Variants in PTGDR observed in about 807,000 individuals in gnomAD.
PTGDR encodes the protein PGD2 receptor.
Under a neutral mutation model 17.4 loss-of-function variants are expected in PTGDR, and 19 were observed. The observed-to-expected ratio is 1.09, with a 90% CI of 0.76 to 1.60. PTGDR has a LOEUF of 1.60. PTGDR is among the 40% of genes most tolerant of loss of function. The pLI, the probability that PTGDR is intolerant of heterozygous loss-of-function variation, is 0.00. For missense variants in PTGDR, 526 were observed against 481.9 expected, an observed-to-expected ratio of 1.09 and a Z score of -0.86; for synonymous variants, 267 against 224.2, an observed-to-expected ratio of 1.19 and a Z score of -1.71.
chr14:52,267,835 C>A lies in PTGDR; in HGVS notation c.21C>A (p.Arg7=). The A allele has an allele frequency of 6.4e-7, 1 of 1,572,888 alleles. No individual in the cohort carries two copies. The highest frequency in any genetic ancestry group is 8.6e-7 in the Non-Finnish European group (1 of 1,158,368). ...ACGCCATGAAGTCGCCGTTCTACCG[C>A]TGCCAGAACACCACCTCTGTGGAAA... MKSPFY[R]CQNTTSVEKG... is the part of the protein sequence containing the mutation. The change falls in exon 1 of 2, where the codon CGC becomes CGA. Residue 7 remains arginine (R), a synonymous_variant. Coordinates refer to ENST00000306051, the MANE Select transcript of PTGDR (RefSeq NM_000953.3).
intron 1 of PTGDR, chr14:52,269,316 G>T (rs1048353340): frequency 1.5e-6 from 1 of 678,638 alleles, no homozygotes; most frequent in Non-Finnish European, 2.6e-6. Context: ...TTAGCTGCTG[G>T]TGTCGTTTTG....
intron 1 of PTGDR, among the ~76,000 whole-genome samples, chr14:52,270,528 G>C (rs1160954249): frequency 6.6e-6 from 1 of 151,960 alleles, no homozygotes; most frequent in African/African-American, 2.4e-5. Flanking sequence ...GGGCGACAGA[G>C]CAAGACTCCA....
chr14:52,276,450 T>A lies in PTGDR; in HGVS notation c.*1486T>A, dbSNP rs200742432. On this transcript the variant is annotated 3_prime_UTR_variant, in exon 2 of 2. Coordinates refer to ENST00000306051, the MANE Select transcript of PTGDR (RefSeq NM_000953.3). ...GTATCTGAGATAATATAAAGCTGGG[T>A]AATTTTTTATGTAATTTTTTGGTAT... 3 of 152,208 alleles carry A rather than the reference T, an allele frequency of 2.0e-5. No individual in the cohort carries two copies. Among genetic ancestry groups the A allele is most frequent in the Non-Finnish European group, 2.9e-5 (2 of 68,034 alleles). The allele number at this position is 152,208 out of a possible 1,614,324, so 9.4% of individuals were successfully genotyped here.
chr14:52,279,710 C>T (rs2033467038), downstream of PTGDR, among the ~76,000 whole-genome samples: 3 of 151,924 alleles, frequency 2.0e-5, no homozygotes, highest in Non-Finnish European at 2.9e-5. Flanking sequence ...ACAAACTGCA[C>T]GAACTCAGGA....
At chr14:52,280,052 G>C (rs1432376743), downstream of PTGDR, among the ~76,000 whole-genome samples, 1 of 152,208 alleles carries the variant, frequency 6.6e-6, no homozygotes, top group Middle Eastern at 3.4e-3. Context: ...ATACAGTGTA[G>C]TGCAAATGTT....
downstream of PTGDR, among the ~76,000 whole-genome samples, chr14:52,280,881 T>C (rs998444052): frequency 1.3e-5 from 2 of 152,278 alleles, no homozygotes; most frequent in East Asian, 3.9e-4. Flanking sequence ...CAGGTGTGTA[T>C]CCTTAACTTT....
chr14:52,279,017 T>C (rs2033461213), downstream of PTGDR, among the ~76,000 whole-genome samples: 1 of 152,210 alleles, frequency 6.6e-6, no homozygotes, highest in South Asian at 2.1e-4. Context: ...GAATCTTTCT[T>C]TCCAGGCATT....
downstream of PTGDR, among the ~76,000 whole-genome samples, chr14:52,280,466 A>G (rs2033474724): frequency 6.6e-6 from 1 of 152,244 alleles, no homozygotes; most frequent in African/African-American, 2.4e-5. Context: ...GTTCCTAAAT[A>G]AGATGGCTAA....
At position 52,268,093 on chromosome 14, in the gene PTGDR, G is replaced by A. The variant is rs1341138448; in HGVS notation, c.279G>A (p.Leu93=). 6.2e-7 allele frequency: 1 copy of A among 1,613,846 alleles called. No homozygotes were observed. Among genetic ancestry groups the A allele is most frequent in the Non-Finnish European group, 8.5e-7 (1 of 1,180,046 alleles). ...CTGCCTACGCTCAGAACCGGAGTCT[G>A]CGGGTGCTTGCGCCCGCATTGGACA... is the stretch of plus-strand genomic sequence containing the variant. The part of the protein sequence containing the change: ...VLAAYAQNRS[L]RVLAPALDNS... The change falls in exon 1 of 2, where the codon CTG becomes CTA. Residue 93 remains leucine, a synonymous_variant. Coordinates refer to ENST00000306051, the MANE Select transcript of PTGDR (RefSeq NM_000953.3).
rs1466792176 is a variant in PTGDR, at chr14:52,276,708, A to C, written c.*1744A>C. The C allele has an allele frequency of 2.6e-5, 4 of 152,260 alleles. No individual in the cohort carries two copies. In the East Asian group the frequency reaches 7.7e-4, roughly 29 times the overall value. The allele number at this position is 152,260 out of a possible 1,614,324, so 9.4% of individuals were successfully genotyped here. A position where few individuals can be genotyped will look rare whatever the true frequency, so the allele number is the denominator to read the frequency against. On this transcript the variant is annotated 3_prime_UTR_variant, in exon 2 of 2. Transcript: ENST00000306051. ...TGAAAAGGCCCCAGATGAATCAATA[A>C]ATATAATTTTATAGTATTTTGCAGA...
Position 52,267,931 on chromosome 14 carries a change from G to A in PTGDR, c.117G>A (p.Gly39=), listed in dbSNP as rs756375416. ...TGLLGNLLAL[G]LLARSGLGWC... ...TCCTGGGCAACCTGCTGGCCCTGGG[G>A]CTGCTGGCGCGCTCGGGGCTGGGGT... Residue 39 remains glycine (G), a synonymous_variant, in exon 1 of 2, where the codon GGG becomes GGA. Coordinates refer to ENST00000306051, the MANE Select transcript of PTGDR (RefSeq NM_000953.3). 26 of 1,610,286 alleles carry A rather than the reference G, an allele frequency of 1.6e-5. 1 individual carries two copies. In the East Asian group the frequency reaches 5.8e-4, roughly 36 times the overall value.
chr14:52,279,963 A>G (rs1022450831), downstream of PTGDR, among the ~76,000 whole-genome samples: 2 of 152,240 alleles, frequency 1.3e-5, no homozygotes, highest in African/African-American at 4.8e-5. Flanking sequence ...GGCAAAGCAT[A>G]GGGTCCTATG....
chr14:52,268,893 C>T (rs2033272406), intron 1 of PTGDR, among the ~76,000 whole-genome samples: 1 of 152,148 alleles, frequency 6.6e-6, no homozygotes, highest in African/African-American at 2.4e-5. Context: ...AGGCTGAGCC[C>T]GGCGGTGTCT....
chr14:52,270,660 C>T (rs1244075799), intron 1 of PTGDR, among the ~76,000 whole-genome samples: 2 of 152,138 alleles, frequency 1.3e-5, no homozygotes, highest in Non-Finnish European at 2.9e-5. Context: ...TGTCTCTTGG[C>T]CATAAAACCT....
intron 1 of PTGDR, among the ~76,000 whole-genome samples, 182 bp downstream of exon 1, chr14:52,268,842 T>A (rs1421533233): frequency 3.3e-5 from 5 of 152,136 alleles, no homozygotes; most frequent in African/African-American, 9.7e-5. Context: ...ATAACTCAGT[T>A]TGCGGAGCGA....
At chr14:52,280,401 CCAAA>C (rs1163800252), downstream of PTGDR, among the ~76,000 whole-genome samples, 1 of 152,164 alleles carries the variant, frequency 6.6e-6, no homozygotes, top group Non-Finnish European at 1.5e-5. Context: ...ACTCACTAAA[CCAAA>C]CAGAAACGTC....
rs41312488 is a variant in PTGDR, at chr14:52,273,716, T to C, written c.847-1015T>C. ...TGCATCTTCTCCAGGAGATGCTCTC[T>C]GATTGCCTCGAATGGGTCCAGTCTC... On this transcript the variant is annotated intron_variant, in intron 1 of 1. Transcript: ENST00000306051. Among the ~76,000 whole-genome samples, 717 of 152,320 alleles carry C rather than the reference T, an allele frequency of 4.7e-3. 7 individuals are homozygous for C. The highest frequency in any genetic ancestry group is 0.014 in the Middle Eastern group (4 of 294).
intron 1 of PTGDR, among the ~76,000 whole-genome samples, chr14:52,273,274 G>A (rs1233004834): frequency 1.3e-5 from 2 of 151,934 alleles, no homozygotes; most frequent in Admixed American, 1.3e-4. Context: ...CAGCCTCCCA[G>A]AGTGCTGGGA....
rs1387267999 is a variant in PTGDR, at chr14:52,274,806, G to A, written c.922G>A (p.Ala308Thr). ...CTCTGAAGAAGCAGAAGACCTCCGAGCCTTGCGATTTCTATCTGTGATTTC... is the reference window on the plus strand; with the variant it reads ...CTCTGAAGAAGCAGAAGACCTCCGAACCTTGCGATTTCTATCTGTGATTTC... ...RTSEEAEDLRALRFLSVISIV... is the reference protein window; with the variant it reads ...RTSEEAEDLRTLRFLSVISIV... The change falls in exon 2 of 2, where the codon GCC (alanine) becomes ACC (threonine). Residue 308 changes from alanine (A) to threonine (T), a missense_variant. By Grantham distance (58) the Ala-to-Thr change is moderately conservative. Coordinates refer to ENST00000306051, the MANE Select transcript of PTGDR (RefSeq NM_000953.3). 2 of 1,613,680 alleles carry A rather than the reference G, an allele frequency of 1.2e-6. No individual in the cohort carries two copies. The highest frequency in any genetic ancestry group is 8.5e-7 in the Non-Finnish European group (1 of 1,179,598).
Sources: gnomAD v4.1 joint callset for allele counts (sites outside exome capture counted in the v4.1 genomes callset) on GRCh38, gnomAD v4.1.1 for gene constraint, MANE v1.5 for transcripts, NCBI Gene and HGNC (gene_info 2026-07-23, HGNC 2026-07-21) for gene names.